Variants in ERGIC1 observed in about 807,000 individuals in gnomAD.
ERGIC1 encodes endoplasmic reticulum-Golgi intermediate compartment protein 1.
Under a neutral mutation model 38.3 loss-of-function variants are expected in ERGIC1, and 19 were observed. The observed-to-expected ratio is 0.50, with a 90% CI of 0.35 to 0.73. The LOEUF (loss-of-function observed/expected upper bound fraction) is 0.73, where lower values mean the gene tolerates loss of function less well. Among genes scored for constraint, ERGIC1 ranks in the 30% least tolerant of loss-of-function variants. ERGIC1 has a pLI of 0.01. For synonymous variants in ERGIC1, 124 were observed against 157.6 expected (o/e 0.79, Z 1.60); for missense variants, 294 against 389.2 (o/e 0.76, Z 2.06).
Position 172,834,588 on chromosome 5 carries a change from C to A in ERGIC1, c.20+155C>A, listed in dbSNP as rs1022822624. ...CTAGGGACCCCAGGCGAGCCCCCCC[C>A]CTGCCGCACACGAAGCCAGCCAGAG... On this transcript the variant is annotated intron_variant, in intron 1 of 9. Transcript: ENST00000393784. This position sits in a 1 kb window ranked among gnomAD's most constrained non-coding sequence, Gnocchi z 4.1. 8.9e-5 allele frequency among the ~76,000 whole-genome samples: 12 copies of A among 134,460 alleles called. No individual in the cohort carries two copies. The highest frequency in any genetic ancestry group is 1.6e-4 in the African/African-American group (6 of 36,400). The allele number at this position is 134,460 out of a possible 152,430, so 88.2% of individuals were successfully genotyped here.
intron 9 of ERGIC1, among the ~76,000 whole-genome samples, chr5:172,938,620 T>C (rs1376901727): frequency 6.6e-6 from 1 of 150,756 alleles, no homozygotes; most frequent in Non-Finnish European, 1.5e-5. Flanking sequence ...AGCATGGGGG[T>C]GGGCACTTGT....
rs150684579 is a variant in ERGIC1 at position 172,939,263 on chromosome 5, G to A, written c.765+3953G>A. ...TGAGTGAGCACAGGGAGCTGTGACCGGCTCTAGTGGAGATGTGCGCCAGAC... is the reference window on the plus strand; with the variant it reads ...TGAGTGAGCACAGGGAGCTGTGACCAGCTCTAGTGGAGATGTGCGCCAGAC... On this transcript the variant is annotated intron_variant, in intron 9 of 9. Coordinates refer to ENST00000393784, the MANE Select transcript of ERGIC1 (RefSeq NM_001031711.3). 4.4e-3 allele frequency among the ~76,000 whole-genome samples: 665 copies of A among 152,302 alleles called. 3 individuals carry two copies. The highest frequency in any genetic ancestry group is 8.3e-3 in the South Asian group (40 of 4,828).
At chr5:172,854,706 C>T (rs981688638) in intron 1 of ERGIC1, among the ~76,000 whole-genome samples, 3 of 152,272 alleles carry the variant, frequency 2.0e-5, no homozygotes, top group South Asian at 2.1e-4. Flanking sequence ...TCTGGCCACC[C>T]GTGACTTGGA....
rs1207011089 is a variant in ERGIC1, at chr5:172,834,453, C to A, written c.20+20C>A. On this transcript the variant is annotated intron_variant, in intron 1 of 9. Transcript: ENST00000393784. The surrounding 1 kb of genome is among the most constrained non-coding windows in gnomAD (Gnocchi z 4.1). ...CAGGAGGTGAGTGTGGCGACCCCGG[C>A]CAGTCGGGAGTTCCCTCAGCGGGCA... is the stretch of plus-strand genomic sequence containing the variant. The A allele has an allele frequency of 7.6e-7, 1 of 1,321,330 alleles. No individual in the cohort carries two copies. The highest frequency in any genetic ancestry group is 9.7e-7 in the Non-Finnish European group (1 of 1,031,634). The allele number at this position is 1,321,330 out of a possible 1,614,324, so 81.9% of individuals were successfully genotyped here.
intron 1 of ERGIC1, among the ~76,000 whole-genome samples, chr5:172,884,379 C>CT (rs1380408027): frequency 7.3e-5 from 11 of 151,414 alleles, no homozygotes; most frequent in Admixed American, 2.6e-4. Flanking sequence ...GTAGCTAGGA[C>CT]TATAGGCACA....
At position 172,926,463 on chromosome 5, in the gene ERGIC1, G is replaced by C; in HGVS notation, c.481-46G>C. On this transcript the variant is annotated intron_variant, in intron 6 of 9. Transcript: ENST00000393784. This position sits in a 1 kb window ranked among gnomAD's most constrained non-coding sequence, Gnocchi z 5.2. Reference sequence around the variant, plus strand: ...CCCCACAACCAGGGCCAGGCCTGGAGGTGGAGGTGTCCTGGGGACCATCCC... The same window carrying C: ...CCCCACAACCAGGGCCAGGCCTGGACGTGGAGGTGTCCTGGGGACCATCCC... 1 of 1,609,386 alleles carries C rather than the reference G, an allele frequency of 6.2e-7. No individual in the cohort carries two copies. The highest frequency in any genetic ancestry group is 2.2e-5 in the East Asian group (1 of 44,842).
chr5:172,927,511 A>G (rs564345695), intron 7 of ERGIC1, among the ~76,000 whole-genome samples: 1 of 151,084 alleles, frequency 6.6e-6, no homozygotes, highest in Non-Finnish European at 1.5e-5. Context: ...ACCTTATTAC[A>G]TAGCCACGAT....
chr5:172,838,254 C>G (rs1321884210), intron 1 of ERGIC1, among the ~76,000 whole-genome samples: 1 of 152,172 alleles, frequency 6.6e-6, no homozygotes, highest in Non-Finnish European at 1.5e-5. Flanking sequence ...TTGTGGGGCC[C>G]AGTGCAAAAT....
At chr5:172,944,849 A>G (rs513537) in intron 9 of ERGIC1, among the ~76,000 whole-genome samples, 112,788 of 152,104 alleles carry the variant, frequency 0.74, 42,510 homozygotes, top group African/African-American at 0.82. Flanking sequence ...TGCCTGCCCC[A>G]TCCAGGGTCT....
chr5:172,835,085 A>G (rs1031908568), intron 1 of ERGIC1, among the ~76,000 whole-genome samples: 16 of 152,228 alleles, frequency 1.1e-4, no homozygotes, highest in African/African-American at 3.1e-4. Context: ...AGTCACCACA[A>G]TGGGTCCTTT....
rs200203918 is a variant in ERGIC1 at position 172,935,142 on chromosome 5, C to G, written c.643-46C>G. 575 of 1,612,990 alleles carry G rather than the reference C, an allele frequency of 3.6e-4. 2 individuals are homozygous for G. The East Asian group carries it at 4.4e-3, about 12-fold the overall frequency. On this transcript the variant is annotated intron_variant, in intron 8 of 9. Coordinates refer to ENST00000393784, the MANE Select transcript of ERGIC1 (RefSeq NM_001031711.3). Reference sequence around the variant, plus strand: ...CCTCTGCAATCCAGTCCCCGCCCCCCCTGAGACACAGTTTGTACTTCTGAT... The same window carrying G: ...CCTCTGCAATCCAGTCCCCGCCCCCGCTGAGACACAGTTTGTACTTCTGAT...
In ERGIC1 at chr5:172,914,254, A is replaced by AAAAAT. The variant is rs796565475; in HGVS notation, c.251-457_251-456insATAAA. ...TGTCTCAAAAAAAAAAAAAAAAAAAAAAATACAAAGACTATCTGAGATACA... is the reference window on the plus strand; with the variant it reads ...TGTCTCAAAAAAAAAAAAAAAAAAAAAAAATAAATACAAAGACTATCTGAGATACA... On this transcript the variant is annotated intron_variant, in intron 4 of 9. Transcript: ENST00000393784. Among the ~76,000 whole-genome samples, 265 of 131,236 alleles carry AAAAAT rather than the reference A, an allele frequency of 2.0e-3. 2 individuals carry two copies. The highest frequency in any genetic ancestry group is 4.3e-3 in the Middle Eastern group (1 of 234). 86.1% of individuals were successfully genotyped at this position (131,236 alleles called of 152,430 possible). A position where few individuals can be genotyped will look rare whatever the true frequency, so the allele number is the denominator to read the frequency against.
intron 1 of ERGIC1, chr5:172,867,632 C>T: frequency 2.9e-6 from 1 of 348,330 alleles, no homozygotes; most frequent in South Asian, 2.1e-5. Context: ...GGAGGGCACT[C>T]ACCTCTCCCT....
chr5:172,880,256 C>T (rs1019822307), intron 1 of ERGIC1, among the ~76,000 whole-genome samples: 5 of 151,996 alleles, frequency 3.3e-5, no homozygotes, highest in Non-Finnish European at 2.9e-5. Flanking sequence ...AGGATGGTCT[C>T]GAACTCCTGA....
chr5:172,847,712 G>A (rs372032585), intron 1 of ERGIC1, among the ~76,000 whole-genome samples: 2 of 152,194 alleles, frequency 1.3e-5, no homozygotes, highest in Admixed American at 6.5e-5. Flanking sequence ...ACGGGGTTTC[G>A]CCGTGTTGAC....
chr5:172,933,662 A>T (rs1016486730), intron 8 of ERGIC1: 3 of 152,008 alleles, frequency 2.0e-5, no homozygotes, highest in African/African-American at 7.3e-5. Context: ...TGTTTCTTTT[A>T]TTCACTGTTT....
At chr5:172,894,989 T>C (rs1317486191) in intron 2 of ERGIC1, among the ~76,000 whole-genome samples, 3 of 152,230 alleles carry the variant, frequency 2.0e-5, no homozygotes, top group Non-Finnish European at 2.9e-5. Context: ...TCGATATATG[T>C]AAATAGATAC....
At chr5:172,917,330 G>T (rs1200165667) in intron 5 of ERGIC1, 1 of 152,402 alleles carries the variant, frequency 6.6e-6, no homozygotes, top group East Asian at 1.9e-4. Context: ...GGAGAGTTCA[G>T]GAGAGGGTTC....
intron 3 of ERGIC1, among the ~76,000 whole-genome samples, chr5:172,906,751 T>A (rs1410199073): frequency 2.6e-5 from 4 of 152,170 alleles, no homozygotes; most frequent in Non-Finnish European, 4.4e-5. Context: ...CTAATAAATG[T>A]TTAAAATAAC....
Sources: gnomAD v4.1 joint callset for allele counts (sites outside exome capture counted in the v4.1 genomes callset) on GRCh38, gnomAD v4.1.1 for gene constraint, Gnocchi (gnomAD v3.1) non-coding constraint, MANE v1.5 for transcripts, NCBI Gene and HGNC (gene_info 2026-07-23, HGNC 2026-07-21) for gene names.